The following SAMD12 variants were observed in gnomAD, a reference collection of about 807,000 sequenced individuals.
The protein encoded by SAMD12 is sterile alpha motif domain containing 12, also known as sterile alpha motif domain-containing protein 12.
A neutral mutation model predicts 15.0 loss-of-function variants in SAMD12; 9 were observed. The observed-to-expected ratio is 0.60, with a 90% CI of 0.36 to 1.05. The LOEUF (loss-of-function observed/expected upper bound fraction) is 1.05, where lower values mean the gene tolerates loss of function less well. Among genes scored for constraint, SAMD12 ranks in the 50% least tolerant of loss-of-function variants. The pLI is 0.01. For synonymous variants in SAMD12, 86 were observed against 90.1 expected, an observed-to-expected ratio of 0.96 and a Z score of 0.25; for missense variants, 230 against 234.2, an observed-to-expected ratio of 0.98 and a Z score of 0.12.
chr8:118,598,022 T>C (rs1231886205), intron 1 of SAMD12, among the ~76,000 whole-genome samples: 2 of 152,172 alleles, frequency 1.3e-5, no homozygotes, highest in African/African-American at 2.4e-5. Flanking sequence ...TTATATATAT[T>C]CTCCCATCCC....
At chr8:118,619,683 G>A (rs1189104408) in intron 1 of SAMD12, among the ~76,000 whole-genome samples, 5 of 152,112 alleles carry the variant, frequency 3.3e-5, no homozygotes, top group African/African-American at 7.2e-5. Context: ...TAAAGTCCAA[G>A]TCTAACCCCC....
At chr8:118,356,744 A>G (rs527960440) in intron 4 of SAMD12, among the ~76,000 whole-genome samples, 52 of 152,084 alleles carry the variant, frequency 3.4e-4, no homozygotes, top group Non-Finnish European at 6.9e-4. Context: ...CTCAAACCTC[A>G]CATGTCTCAA....
intron 4 of SAMD12, among the ~76,000 whole-genome samples, chr8:118,362,841 T>A (rs1265926085): frequency 6.6e-6 from 1 of 152,202 alleles, no homozygotes; most frequent in Non-Finnish European, 1.5e-5. Flanking sequence ...ACTCAAGATA[T>A]TGGCAGCACT....
the SAMD12 span, among the ~76,000 whole-genome samples, chr8:118,183,837 C>T: frequency 6.6e-5 from 10 of 152,224 alleles, no homozygotes; most frequent in South Asian, 2.1e-4. Flanking sequence ...CCCACCCTCC[C>T]GCCTTCTGAA....
At chr8:118,547,590 C>T (rs1586806757) in intron 2 of SAMD12, among the ~76,000 whole-genome samples, 1 of 152,116 alleles carries the variant, frequency 6.6e-6, no homozygotes, top group African/African-American at 2.4e-5. Context: ...ATTAACTGAG[C>T]AATGATCTAT....
intron 4 of SAMD12, among the ~76,000 whole-genome samples, chr8:118,244,238 A>G (rs1032993906): frequency 7.2e-5 from 11 of 152,174 alleles, no homozygotes; most frequent in African/African-American, 2.7e-4. Context: ...TATTCTTGTT[A>G]TCAATATTAG....
chr8:118,287,164 G>T (rs1159796328), intron 4 of SAMD12, among the ~76,000 whole-genome samples: 3 of 138,664 alleles, frequency 2.2e-5, no homozygotes, highest in Admixed American at 1.5e-4. Context: ...TCGCTCTTTC[G>T]CCCAGGCCGG....
At chr8:118,604,033 T>C (rs1029891377) in intron 1 of SAMD12, among the ~76,000 whole-genome samples, 2 of 152,206 alleles carry the variant, frequency 1.3e-5, no homozygotes, top group African/African-American at 4.8e-5. Context: ...AAGTGCTTAT[T>C]ATACTTCCTG....
At chr8:118,134,340 T>G in the SAMD12 span, among the ~76,000 whole-genome samples, 1 of 152,240 alleles carries the variant, frequency 6.6e-6, no homozygotes, top group Non-Finnish European at 1.5e-5. Flanking sequence ...GGCTTTCCCA[T>G]GAGGGGCTTT....
intron 2 of SAMD12, among the ~76,000 whole-genome samples, chr8:118,525,916 G>A (rs1204346606): frequency 1.3e-5 from 2 of 152,144 alleles, no homozygotes; most frequent in East Asian, 3.9e-4. Flanking sequence ...CATCTGTAAT[G>A]TCACCCAGCT....
intron 2 of SAMD12, among the ~76,000 whole-genome samples, chr8:118,471,827 G>A (rs1048896394): frequency 6.6e-6 from 1 of 152,124 alleles, no homozygotes; most frequent in African/African-American, 2.4e-5. Flanking sequence ...CCCGGTACCT[G>A]ATACAGTCCA....
At chr8:118,510,976 CTGT>C (rs1214410806) in intron 2 of SAMD12, among the ~76,000 whole-genome samples, 1 of 152,184 alleles carries the variant, frequency 6.6e-6, no homozygotes, top group Non-Finnish European at 1.5e-5. Flanking sequence ...TATAACAACA[CTGT>C]TGTCATTTAA....
intron 2 of SAMD12, among the ~76,000 whole-genome samples, chr8:118,549,190 C>T (rs1004030104): frequency 9.2e-5 from 14 of 152,364 alleles, no homozygotes; most frequent in African/African-American, 2.9e-4. Flanking sequence ...TCTCCCAGCA[C>T]ACAGCTGGAG....
intron 1 of SAMD12, among the ~76,000 whole-genome samples, chr8:118,601,488 C>T (rs1441989374): frequency 2.0e-5 from 3 of 152,200 alleles, no homozygotes; most frequent in Non-Finnish European, 2.9e-5. Flanking sequence ...TTTTCTAGTA[C>T]AACTCCCTTT....
At chr8:118,525,015 C>A (rs988028411) in intron 2 of SAMD12, among the ~76,000 whole-genome samples, 3 of 152,160 alleles carry the variant, frequency 2.0e-5, no homozygotes, top group Admixed American at 6.5e-5. Flanking sequence ...TACTCCCTCA[C>A]AAGTAAAAGC....
intron 4 of SAMD12, among the ~76,000 whole-genome samples, chr8:118,202,697 AG>A (rs910416834): frequency 9.9e-5 from 15 of 152,204 alleles, no homozygotes; most frequent in South Asian, 8.3e-4. Context: ...ATCCTTTAAA[AG>A]GGCTGTTCAG....
At chr8:118,440,858 G>A (rs1448185429) in intron 2 of SAMD12, among the ~76,000 whole-genome samples, 3 of 152,062 alleles carry the variant, frequency 2.0e-5, no homozygotes, top group African/African-American at 7.2e-5. Context: ...CAGGAATTTG[G>A]TTTTAGACAG....
intron 3 of SAMD12, among the ~76,000 whole-genome samples, chr8:118,418,685 C>T (rs1821843746): frequency 1.3e-5 from 2 of 151,516 alleles, no homozygotes; most frequent in East Asian, 1.9e-4. Flanking sequence ...CGCCACTGCA[C>T]TCCAGCCTGG....
the SAMD12 span, among the ~76,000 whole-genome samples, chr8:118,154,677 T>C: frequency 3.3e-5 from 5 of 152,334 alleles, no homozygotes; most frequent in Non-Finnish European, 5.9e-5. Flanking sequence ...AGAATCTATA[T>C]AGCCGTAAGA....
Sources: allele counts gnomAD v4.1 joint callset (sites outside exome capture counted in the v4.1 genomes callset), GRCh38; gene constraint gnomAD v4.1.1; transcripts MANE v1.5; gene names NCBI Gene and HGNC (gene_info 2026-07-23, HGNC 2026-07-21).